Variants in MAP3K21 observed in about 807,000 individuals in gnomAD.
MAP3K21 encodes mitogen-activated protein kinase kinase kinase 21, also known as mitogen-activated protein kinase kinase kinase MLK4.
A neutral mutation model predicts 86.1 loss-of-function variants in MAP3K21; 63 were observed. The ratio of observed to expected loss-of-function variants is 0.73; its 90% CI spans 0.60 to 0.90. MAP3K21 has a LOEUF of 0.90. MAP3K21 is among the 40% of genes least tolerant of loss of function. The pLI, the probability that MAP3K21 is intolerant of heterozygous loss-of-function variation, is 0.00. For synonymous variants in MAP3K21, 558 were observed against 564.8 expected, an observed-to-expected ratio of 0.99 and a Z score of 0.17; for missense variants, 1,220 against 1,367.7, an observed-to-expected ratio of 0.89 and a Z score of 1.70.
chr1:233,363,645 T>C (rs1254231799), intron 5 of MAP3K21, among the ~76,000 whole-genome samples: 1 of 145,062 alleles, frequency 6.9e-6, no homozygotes, highest in Non-Finnish European at 1.5e-5. Context: ...GAGGTTGCAG[T>C]GACCCGAGAT....
Position 233,379,078 on chromosome 1 carries a change from A to G in MAP3K21, c.2072A>G (p.Glu691Gly), listed in dbSNP as rs576680939. The G allele has an allele frequency of 6.2e-7, 1 of 1,614,136 alleles. No individual in the cohort carries two copies. Among genetic ancestry groups the G allele is most frequent in the East Asian group, 2.2e-5 (1 of 44,876 alleles). The change falls in exon 9 of 10, where the codon GAG (glutamate) becomes GGG (glycine). Residue 691 changes from glutamate (E) to glycine (G), a missense_variant. Physicochemically the swap from Glu to Gly is moderately conservative, Grantham distance 98. Transcript: ENST00000366624. ...CCTGCAGAAGCTGAAAGCTGGGAGG[A>G]GGCAGCCTCTGCGAATGCTGCCACA... ...ENPAEAESWE[E>G]AASANAATVS... is the part of the protein sequence containing the mutation.
chr1:233,354,792 A>T (rs1572247472), intron 3 of MAP3K21, 44 bp from the exon 4 acceptor site: 4 of 1,436,120 alleles, frequency 2.8e-6, no homozygotes, highest in Non-Finnish European at 3.7e-6. Context: ...GCAACTCTAA[A>T]CTGCGTTGAG....
At chr1:233,364,349 G>A (rs561187050) in intron 5 of MAP3K21, among the ~76,000 whole-genome samples, 3 of 152,132 alleles carry the variant, frequency 2.0e-5, no homozygotes, top group Non-Finnish European at 4.4e-5. Context: ...CTAGATGTGA[G>A]TTTTCTTCTC....
chr1:233,348,648 C>A (rs926488663), intron 2 of MAP3K21, among the ~76,000 whole-genome samples: 1 of 152,106 alleles, frequency 6.6e-6, no homozygotes, highest in Non-Finnish European at 1.5e-5. Context: ...TCTCCATCTT[C>A]CTTGTCACTT....
intron 1 of MAP3K21, among the ~76,000 whole-genome samples, chr1:233,329,572 T>C (rs1378689563): frequency 2.0e-5 from 3 of 151,878 alleles, no homozygotes; most frequent in Non-Finnish European, 4.4e-5. Flanking sequence ...GAGAATCACT[T>C]GAACCCGGGA....
intron 6 of MAP3K21, 42 bp downstream of exon 6, chr1:233,372,202 C>A (rs780693279): frequency 1.2e-6 from 2 of 1,607,588 alleles, no homozygotes; most frequent in Non-Finnish European, 1.7e-6. Flanking sequence ...GTGTTGACTT[C>A]TCTCCTTTCA....
intron 4 of MAP3K21, 143 bp from the exon 5 acceptor site, chr1:233,361,910 C>CT: frequency 9.6e-7 from 1 of 1,046,052 alleles, no homozygotes; most frequent in South Asian, 1.7e-5. Flanking sequence ...GTGACCAGGG[C>CT]TTGAGCAGAG....
rs1207423084 is a variant in MAP3K21 at position 233,328,612 on chromosome 1, A to C, written c.584A>C (p.His195Pro). Residue 195 changes from histidine to proline, a missense_variant, in exon 1 of 10, where the codon CAC (histidine) becomes CCC (proline). By Grantham distance (77) the His-to-Pro change is moderately conservative (BLOSUM62 -2). Coordinates refer to ENST00000366624, the MANE Select transcript of MAP3K21 (RefSeq NM_032435.3). This position sits in a 1 kb window ranked among gnomAD's most constrained non-coding sequence, Gnocchi z 8.7. ...ELRGVCLQQP[H>P]LCLVLEFARG... ...CGCGGCGTGTGCCTGCAGCAGCCGC[A>C]CCTCTGCCTGGTGCTGGAGTTCGCC... 1 of 1,499,058 alleles carries C rather than the reference A, an allele frequency of 6.7e-7. No individual in the cohort carries two copies. Among genetic ancestry groups the C allele is most frequent in the South Asian group, 1.2e-5 (1 of 80,108 alleles). 92.9% of individuals were successfully genotyped at this position (1,499,058 alleles called of 1,614,324 possible). A position where few individuals can be genotyped will look rare whatever the true frequency, so the allele number is the denominator to read the frequency against.
At chr1:233,362,385 G>C in intron 5 of MAP3K21, 92 bp downstream of exon 5, 1 of 1,405,164 alleles carries the variant, frequency 7.1e-7, no homozygotes, top group South Asian at 1.3e-5. Context: ...AAGAGATAGG[G>C]AAGTAACTTT....
intron 4 of MAP3K21, among the ~76,000 whole-genome samples, chr1:233,358,476 T>G (rs867708531): frequency 6.8e-6 from 1 of 148,066 alleles, no homozygotes; most frequent in African/African-American, 2.6e-5. Flanking sequence ...CTAATTTGTT[T>G]TTTTTTTTTT....
intron 4 of MAP3K21, among the ~76,000 whole-genome samples, chr1:233,359,588 T>C (rs902169174): frequency 2.6e-5 from 4 of 152,212 alleles, no homozygotes; most frequent in Non-Finnish European, 5.9e-5. Flanking sequence ...CCTCCGTAGA[T>C]ACTGGGTCCT....
At chr1:233,335,175 C>A (rs1377523441) in intron 1 of MAP3K21, among the ~76,000 whole-genome samples, 3 of 152,108 alleles carry the variant, frequency 2.0e-5, no homozygotes, top group Non-Finnish European at 4.4e-5. Flanking sequence ...AAAATAGAAG[C>A]ACCCCAATGA....
chr1:233,358,561 A>G (rs1442982772), intron 4 of MAP3K21, among the ~76,000 whole-genome samples: 1 of 151,240 alleles, frequency 6.6e-6, no homozygotes, highest in Non-Finnish European at 1.5e-5. Flanking sequence ...GATTTTGAAG[A>G]GCAGGAAAAG....
intron 5 of MAP3K21, among the ~76,000 whole-genome samples, chr1:233,363,401 A>C (rs1229060843): frequency 1.3e-5 from 2 of 152,210 alleles, no homozygotes; most frequent in Admixed American, 1.3e-4. Context: ...TTGATCAAAA[A>C]ATTGCTAGTA....
Position 233,379,324 on chromosome 1 carries a change from G to A in MAP3K21, c.2318G>A (p.Ser773Asn), listed in dbSNP as rs755453254. Residue 773 changes from serine (S) to asparagine (N), a missense_variant, in exon 9 of 10, where the codon AGC becomes AAC. By Grantham distance (46) the Ser-to-Asn change is conservative (BLOSUM62 1). This residue lies in a region of MAP3K21 where 632 missense variants were observed against 691.3 expected (regional missense o/e 0.91). Transcript: ENST00000366624. The part of the protein sequence containing the change: ...IFQRASKSRR[S>N]ASPPTSLPST... Reference sequence around the variant, plus strand: ...CAGCGGGCTTCCAAGTCCCGCAGAAGCGCCAGTCCTCCCACAAGCCTGCCA... The same window carrying A: ...CAGCGGGCTTCCAAGTCCCGCAGAAACGCCAGTCCTCCCACAAGCCTGCCA... The A allele has an allele frequency of 5.6e-6, 9 of 1,614,102 alleles. No homozygotes were observed. The East Asian group carries it at 6.7e-5, about 12-fold the overall frequency.
intron 1 of MAP3K21, among the ~76,000 whole-genome samples, chr1:233,334,080 T>C (rs1280782401): frequency 6.6e-6 from 1 of 151,914 alleles, no homozygotes; most frequent in Non-Finnish European, 1.5e-5. Context: ...TTAGCCAGGA[T>C]GGTCTTGATC....
At chr1:233,365,341 A>G (rs1663553809) in intron 5 of MAP3K21, among the ~76,000 whole-genome samples, 1 of 152,214 alleles carries the variant, frequency 6.6e-6, no homozygotes, top group South Asian at 2.1e-4. Context: ...TGAAGAGACC[A>G]CCTGTAGAAT....
chr1:233,337,082 G>T (rs1181899299), intron 1 of MAP3K21, among the ~76,000 whole-genome samples: 1 of 152,198 alleles, frequency 6.6e-6, no homozygotes, highest in Non-Finnish European at 1.5e-5. Context: ...AGGGTGACGT[G>T]AGGATTAAGT....
At chr1:233,341,900 G>A (rs1663045109) in intron 1 of MAP3K21, among the ~76,000 whole-genome samples, 3 of 151,880 alleles carry the variant, frequency 2.0e-5, no homozygotes, top group East Asian at 1.9e-4. Context: ...TTAATTTGGG[G>A]TCTTTTGGTG....
Sources: gnomAD v4.1 joint callset for allele counts (sites outside exome capture counted in the v4.1 genomes callset) on GRCh38, gnomAD v4.1.1 for gene constraint, gnomAD v4.1.1 regional missense constraint, Gnocchi (gnomAD v3.1) non-coding constraint, MANE v1.5 for transcripts, NCBI Gene and HGNC (gene_info 2026-07-23, HGNC 2026-07-21) for gene names.